The following EYS variants were observed in gnomAD, a reference collection of about 807,000 sequenced individuals.
The protein encoded by EYS is EGF-like photoreceptor maintenance factor.
Under a neutral mutation model 282.1 loss-of-function variants are expected in EYS, and 250 were observed. The observed-to-expected ratio is 0.89, with a 90% CI of 0.80 to 0.98. The LOEUF (loss-of-function observed/expected upper bound fraction) is 0.98, where lower values mean the gene tolerates loss of function less well. Ranked by LOEUF, EYS falls within the 50% of genes least tolerant of loss-of-function variation. The probability of loss-of-function intolerance (pLI) is 0.00; values close to 1 mark genes in which losing one functional copy is unlikely to be tolerated. For missense variants in EYS, 4,016 were observed against 3,709.0 expected, an observed-to-expected ratio of 1.08 and a Z score of -2.15; for synonymous variants, 1,355 against 1,282.9, an observed-to-expected ratio of 1.06 and a Z score of -1.20.
chr6:63,727,737 A>AAAAAAAAATATATATAT, intron 41 of EYS, among the ~76,000 whole-genome samples: 1 of 36,738 alleles, frequency 2.7e-5, no homozygotes, highest in Non-Finnish European at 4.3e-5. Flanking sequence ...AAAAAAAAAA[A>AAAAAAAAATATATATAT]ATATATATAT....
At chr6:65,141,102 A>T (rs1360734555) in intron 12 of EYS, among the ~76,000 whole-genome samples, 2 of 151,886 alleles carry the variant, frequency 1.3e-5, no homozygotes, top group African/African-American at 4.8e-5. Flanking sequence ...CAAATGTCCA[A>T]CAATGATAGA....
chr6:65,500,890 T>C (rs1480354306), intron 2 of EYS, among the ~76,000 whole-genome samples: 1 of 151,910 alleles, frequency 6.6e-6, no homozygotes, highest in Non-Finnish European at 1.5e-5. Context: ...AGCTGAAGAA[T>C]GAAGTGCATT....
chr6:63,804,997 T>A (rs1770868247), intron 37 of EYS, among the ~76,000 whole-genome samples: 1 of 152,056 alleles, frequency 6.6e-6, no homozygotes. Context: ...AATACCACAT[T>A]TCATTTGGGG....
chr6:64,396,494 T>C (rs1326765719), intron 28 of EYS, among the ~76,000 whole-genome samples: 1 of 152,116 alleles, frequency 6.6e-6, no homozygotes, highest in African/African-American at 2.4e-5. Flanking sequence ...ATCTTTTCCT[T>C]AATAATTAGT....
intron 2 of EYS, among the ~76,000 whole-genome samples, chr6:65,501,305 TGTTA>T (rs1362075333): frequency 6.6e-6 from 1 of 151,926 alleles, no homozygotes; most frequent in Non-Finnish European, 1.5e-5. Flanking sequence ...ATATTGGTAT[TGTTA>T]GTTATTTCTC....
chr6:64,319,998 ATTCCC>A (rs1770147332), intron 29 of EYS, among the ~76,000 whole-genome samples: 1 of 151,948 alleles, frequency 6.6e-6, no homozygotes, highest in Non-Finnish European at 1.5e-5. Context: ...ATTAAAGCAC[ATTCCC>A]TTAGGTTATT....
In EYS at chr6:63,798,985, GTGTATA is replaced by G. The variant is rs1232956974; in HGVS notation, c.7411+7199_7411+7204del. ...TGTGTATATATATATATGTATATGT[GTGTATA>G]TATATATATATATATATATATATAT... On this transcript the variant is annotated intron_variant, in intron 37 of 42. Transcript: ENST00000503581. 6.3e-3 allele frequency among the ~76,000 whole-genome samples: 550 copies of G among 87,510 alleles called. 6 individuals are homozygous for G. The highest frequency in any genetic ancestry group is 0.026 in the African/African-American group (465 of 18,198). 57.4% of individuals were successfully genotyped at this position (87,510 alleles called of 152,430 possible). A position where few individuals can be genotyped will look rare whatever the true frequency, so the allele number is the denominator to read the frequency against.
At chr6:64,383,353 T>G (rs990839801) in intron 29 of EYS, among the ~76,000 whole-genome samples, 1 of 152,030 alleles carries the variant, frequency 6.6e-6, no homozygotes, top group African/African-American at 2.4e-5. Flanking sequence ...AGGAATAAAT[T>G]GTAAATTGAG....
intron 30 of EYS, among the ~76,000 whole-genome samples, chr6:64,263,460 C>T (rs1355714381): frequency 6.6e-6 from 1 of 151,966 alleles, no homozygotes; most frequent in African/African-American, 2.4e-5. Context: ...CAGCATTGTC[C>T]TATTTAATAA....
At position 64,803,592 on chromosome 6, in the gene EYS, C is replaced by T. The variant is rs144704828; in HGVS notation, c.3443+9786G>A. Among the ~76,000 whole-genome samples the T allele has an allele frequency of 2.8e-3, 430 of 152,312 alleles. 3 individuals carry two copies. The highest frequency in any genetic ancestry group is 9.6e-3 in the African/African-American group (401 of 41,572). ...GCCCAGGAGCCTGTCTGCCTCCCACCATCATCAATCATGTTGTCCAAGGCG... is the reference window on the plus strand; with the variant it reads ...GCCCAGGAGCCTGTCTGCCTCCCACTATCATCAATCATGTTGTCCAAGGCG... On this transcript the variant is annotated intron_variant, in intron 22 of 42. Coordinates refer to ENST00000503581, the MANE Select transcript of EYS (RefSeq NM_001142800.2).
intron 12 of EYS, among the ~76,000 whole-genome samples, chr6:65,172,512 A>G (rs1765127522): frequency 1.3e-5 from 2 of 151,376 alleles, no homozygotes. Context: ...ATTTATGTTT[A>G]ATTTATTGAA....
At chr6:65,443,569 CATAT>C (rs754894888) in intron 5 of EYS, among the ~76,000 whole-genome samples, 3 of 151,540 alleles carry the variant, frequency 2.0e-5, no homozygotes, top group Admixed American at 6.6e-5. Flanking sequence ...TGTATACACA[CATAT>C]GTGTATATAC....
In EYS at chr6:64,170,952, G is replaced by A. The variant is rs1442093517; in HGVS notation, c.6424+59640C>T. Among the ~76,000 whole-genome samples the A allele has an allele frequency of 2.0e-5, 3 of 151,944 alleles. No individual in the cohort carries two copies. The East Asian group carries it at 5.8e-4, about 29-fold the overall frequency. ...TACTGAAACAATGGTGAGTATAAAG[G>A]CATTGTGCTTACTTTCTGCAGCTCG... On this transcript the variant is annotated intron_variant, in intron 31 of 42. Coordinates refer to ENST00000503581, the MANE Select transcript of EYS (RefSeq NM_001142800.2).
chr6:64,036,989 A>C (rs754553093), intron 33 of EYS, among the ~76,000 whole-genome samples: 7 of 152,178 alleles, frequency 4.6e-5, no homozygotes, highest in Non-Finnish European at 8.8e-5. Flanking sequence ...TGTGAGATAA[A>C]ATAATGCATT....
chr6:63,956,456 T>C (rs1431136225), intron 35 of EYS, among the ~76,000 whole-genome samples: 1 of 152,176 alleles, frequency 6.6e-6, no homozygotes, highest in East Asian at 1.9e-4. Context: ...TGCACCCAGG[T>C]GATTAAAAAG....
At chr6:64,261,860 G>C (rs969362797) in intron 30 of EYS, among the ~76,000 whole-genome samples, 1 of 151,722 alleles carries the variant, frequency 6.6e-6, no homozygotes, top group Non-Finnish European at 1.5e-5. Context: ...AGGGTCAAGG[G>C]CTCCTCCCAC....
chr6:65,077,545 C>T (rs1774094120), intron 12 of EYS, among the ~76,000 whole-genome samples: 1 of 152,016 alleles, frequency 6.6e-6, no homozygotes, highest in South Asian at 2.1e-4. Flanking sequence ...CGAACATTTT[C>T]TGAAACGCTC....
rs1324728287 is a variant in EYS, at chr6:64,108,722, G to C, written c.6425-26720C>G. Among the ~76,000 whole-genome samples, 4 of 149,242 alleles carry C rather than the reference G, an allele frequency of 2.7e-5. No homozygotes were observed. In the South Asian group the frequency reaches 6.2e-4, roughly 23 times the overall value. ...CAGAGGTTCTATTCCTGACTGCCAT[G>C]GTCCCACTTTCCACCCGATCTCTCC... On this transcript the variant is annotated intron_variant, in intron 31 of 42. Transcript: ENST00000503581.
intron 14 of EYS, among the ~76,000 whole-genome samples, chr6:64,982,483 A>G (rs957985378): frequency 6.6e-5 from 10 of 151,248 alleles, no homozygotes; most frequent in African/African-American, 2.2e-4. Flanking sequence ...TCATGCACAT[A>G]ATTTATAAAT....
Sources: gnomAD v4.1 joint callset for allele counts (sites outside exome capture counted in the v4.1 genomes callset) on GRCh38, gnomAD v4.1.1 for gene constraint, MANE v1.5 for transcripts, NCBI Gene and HGNC (gene_info 2026-07-23, HGNC 2026-07-21) for gene names.